The following API5 variants were observed in gnomAD, a reference collection of about 807,000 sequenced individuals.
API5 encodes the protein apoptosis inhibitor 5.
API5 carries 6 observed loss-of-function variants against 71.9 expected under a neutral mutation model. The observed-to-expected ratio is 0.08, with a 90% CI of 0.05 to 0.16. The LOEUF (loss-of-function observed/expected upper bound fraction) is 0.16. Ranked by LOEUF, API5 falls within the 10% of genes least tolerant of loss-of-function variation. The pLI is 1.00. For missense variants in API5, 332 were observed against 612.8 expected, an observed-to-expected ratio of 0.54 and a Z score of 4.84; for synonymous variants, 189 against 221.3, an observed-to-expected ratio of 0.85 and a Z score of 1.30.
chr11:43,335,436 TA>T, intron 12 of API5, 82 bp downstream of exon 12: 1 of 815,458 alleles, frequency 1.2e-6, no homozygotes, highest in Admixed American at 2.1e-5. Flanking sequence ...GGTGCAATGT[TA>T]AATGATTCAT....
intron 11 of API5, chr11:43,331,331 C>G (rs980835051): frequency 6.5e-6 from 1 of 153,554 alleles, no homozygotes. Context: ...ATACAACCCC[C>G]CTGCCAATGC....
At chr11:43,327,034 T>C (rs1439404271) in intron 7 of API5, among the ~76,000 whole-genome samples, 1 of 152,230 alleles carries the variant, frequency 6.6e-6, no homozygotes, top group Non-Finnish European at 1.5e-5. Context: ...CTGTAATACT[T>C]TACATTTGTT....
chr11:43,321,391 G>A lies in API5; in HGVS notation c.326-20G>A. 3 of 1,587,866 alleles carry A rather than the reference G, an allele frequency of 1.9e-6. No homozygotes were observed. Among genetic ancestry groups the A allele is most frequent in the Non-Finnish European group, 2.6e-6 (3 of 1,162,154 alleles). Reference sequence around the variant, plus strand: ...TTTAAATTTGTTTTATATTCATTATGCCACTTTTTCTTTATCCAGATGACT... The same window carrying A: ...TTTAAATTTGTTTTATATTCATTATACCACTTTTTCTTTATCCAGATGACT... On this transcript the variant is annotated intron_variant, in intron 3 of 13. Transcript: ENST00000531273.
At chr11:43,314,470 A>G (rs570263958) in intron 1 of API5, among the ~76,000 whole-genome samples, 28 of 152,268 alleles carry the variant, frequency 1.8e-4, no homozygotes, top group African/African-American at 6.0e-4. Flanking sequence ...GCAAAAATCT[A>G]CTCTTTATTT....
At position 43,343,459 on chromosome 11, in the gene API5, TAAC is replaced by T. The variant is rs1222512465; in HGVS notation, c.*953_*955del. On this transcript the variant is annotated 3_prime_UTR_variant, in exon 14 of 14. Coordinates refer to ENST00000531273, the MANE Select transcript of API5 (RefSeq NM_001142930.2). ...TAAATTGGAATTGCTGTTGGTGAAATAACAACCAAAATACTGAATCTGATGTAC... is the reference window on the plus strand; with the variant it reads ...TAAATTGGAATTGCTGTTGGTGAAATAACCAAAATACTGAATCTGATGTAC... The T allele has an allele frequency of 6.6e-6, 1 of 152,590 alleles. No individual in the cohort carries two copies. The highest frequency in any genetic ancestry group is 2.4e-5 in the African/African-American group (1 of 41,448). 9.5% of individuals were successfully genotyped at this position (152,590 alleles called of 1,614,324 possible). A position where few individuals can be genotyped will look rare whatever the true frequency, so the allele number is the denominator to read the frequency against.
rs372587039 is a variant in API5 at position 43,321,002 on chromosome 11, A to G, written c.325+88A>G. On this transcript the variant is annotated intron_variant, in intron 3 of 13. Transcript: ENST00000531273. ...TGTTTTTAGGTTTTAAATGGGGTGCAGGAGAGCTGGAGGTCCTACCTCTGA... is the reference window on the plus strand; with the variant it reads ...TGTTTTTAGGTTTTAAATGGGGTGCGGGAGAGCTGGAGGTCCTACCTCTGA... The G allele has an allele frequency of 1.1e-5, 12 of 1,091,006 alleles. No individual in the cohort carries two copies. In the African/African-American group the frequency reaches 1.3e-4, roughly 12 times the overall value. 67.6% of individuals were successfully genotyped at this position (1,091,006 alleles called of 1,614,324 possible). A position where few individuals can be genotyped will look rare whatever the true frequency, so the allele number is the denominator to read the frequency against.
chr11:43,338,748 C>G (rs1002662150), intron 13 of API5, among the ~76,000 whole-genome samples: 9 of 150,946 alleles, frequency 6.0e-5, no homozygotes, highest in Admixed American at 2.6e-4. Flanking sequence ...TTAGGTACAG[C>G]TGAATAGAGT....
intron 11 of API5, among the ~76,000 whole-genome samples, chr11:43,334,282 C>T (rs1015283958): frequency 5.3e-5 from 8 of 152,138 alleles, no homozygotes; most frequent in Admixed American, 2.6e-4. Flanking sequence ...CCAAACTATA[C>T]GCCATTTTCC....
intron 11 of API5, chr11:43,331,274 G>A (rs1855246467): frequency 6.5e-6 from 1 of 153,390 alleles, no homozygotes; most frequent in Non-Finnish European, 1.4e-5. Context: ...TGGTACAATG[G>A]TAGTGGGTTA....
Position 43,319,491 on chromosome 11 carries a change from C to T in API5, c.231+690C>T, listed in dbSNP as rs569267141. Reference sequence around the variant, plus strand: ...TGTTGCCTAGACCAGAGTGCAGTTGCACATCCATAGCTCACTGCAGCCTTG... The same window carrying T: ...TGTTGCCTAGACCAGAGTGCAGTTGTACATCCATAGCTCACTGCAGCCTTG... On this transcript the variant is annotated intron_variant, in intron 2 of 13. Transcript: ENST00000531273. Among the ~76,000 whole-genome samples the T allele has an allele frequency of 6.6e-5, 10 of 152,282 alleles. No individual in the cohort carries two copies. The East Asian group carries it at 1.7e-3, about 26-fold the overall frequency.
intron 13 of API5, chr11:43,339,496 T>C (rs1228315591): frequency 6.6e-6 from 1 of 152,216 alleles, no homozygotes; most frequent in Admixed American, 6.5e-5. Context: ...GTTTTCTTCA[T>C]GGGACGACAC....
chr11:43,325,835 T>G (rs1855052418), intron 6 of API5, among the ~76,000 whole-genome samples: 2 of 152,070 alleles, frequency 1.3e-5, no homozygotes, highest in South Asian at 4.2e-4. Flanking sequence ...CTATGGCAGT[T>G]TTTTGGGATG....
intron 6 of API5, among the ~76,000 whole-genome samples, chr11:43,324,353 T>C (rs1005977124): frequency 5.3e-5 from 8 of 152,172 alleles, no homozygotes; most frequent in African/African-American, 1.9e-4. Flanking sequence ...GAGACTTTTT[T>C]TGAAAGTCAT....
At chr11:43,323,389 A>G in intron 5 of API5, 41 bp from the exon 6 acceptor site, 3 of 1,524,818 alleles carry the variant, frequency 2.0e-6, no homozygotes, top group East Asian at 2.3e-5. Flanking sequence ...GTCCCATTCA[A>G]ATGATGAACA....
chr11:43,319,644 C>T (rs1201909706), intron 2 of API5, among the ~76,000 whole-genome samples: 1 of 152,108 alleles, frequency 6.6e-6, no homozygotes, highest in Non-Finnish European at 1.5e-5. Flanking sequence ...AACTCCTGGC[C>T]TCAAGCTATC....
At chr11:43,315,837 A>G (rs1273052346) in intron 1 of API5, among the ~76,000 whole-genome samples, 5 of 152,178 alleles carry the variant, frequency 3.3e-5, no homozygotes, top group Non-Finnish European at 5.9e-5. Flanking sequence ...ACTAGCCATA[A>G]TAGAGCAAGC....
Position 43,318,359 on chromosome 11 carries a change from C to T in API5, c.70-281C>T, listed in dbSNP as rs1033403752. On this transcript the variant is annotated intron_variant, in intron 1 of 13. Coordinates refer to ENST00000531273, the MANE Select transcript of API5 (RefSeq NM_001142930.2). ...CAGTCACATGGCCAGAGTTAATAAT[C>T]ACTAGAATGAAGAAGTATTGGCATA... 1.2e-5 allele frequency: 17 copies of T among 1,377,328 alleles called. No individual in the cohort carries two copies. The Admixed American group carries it at 3.0e-4, about 24-fold the overall frequency. The allele number at this position is 1,377,328 out of a possible 1,614,324, so 85.3% of individuals were successfully genotyped here.
intron 7 of API5, 146 bp downstream of exon 7, chr11:43,326,757 T>C: frequency 3.6e-6 from 2 of 551,842 alleles, no homozygotes; most frequent in Admixed American, 3.4e-5. Context: ...CCAGAATTAA[T>C]TGCATTAGGA....
intron 11 of API5, among the ~76,000 whole-genome samples, chr11:43,332,330 A>G (rs1855285231): frequency 6.6e-6 from 1 of 152,080 alleles, no homozygotes; most frequent in Non-Finnish European, 1.5e-5. Flanking sequence ...CAGATTCCAC[A>G]TGTTGAGGGC....
Sources: allele counts gnomAD v4.1 joint callset (sites outside exome capture counted in the v4.1 genomes callset), GRCh38; gene constraint gnomAD v4.1.1; transcripts MANE v1.5; gene names NCBI Gene and HGNC (gene_info 2026-07-23, HGNC 2026-07-21).